The following USH2A variants were observed in gnomAD, a reference collection of about 807,000 sequenced individuals.
The protein encoded by USH2A is Usher syndrome 2A (autosomal recessive, mild).
USH2A carries 443 observed loss-of-function variants against 538.9 expected under a neutral mutation model. That is an observed-to-expected ratio of 0.82 (90% CI 0.76 to 0.89). The LOEUF (loss-of-function observed/expected upper bound fraction) is 0.89. Ranked by LOEUF, USH2A falls within the 40% of genes least tolerant of loss-of-function variation. The pLI, the probability that USH2A is intolerant of heterozygous loss-of-function variation, is 0.00. For missense variants in USH2A, 6,633 were observed against 6,324.8 expected, an observed-to-expected ratio of 1.05 and a Z score of -1.65; for synonymous variants, 2,413 against 2,273.5, an observed-to-expected ratio of 1.06 and a Z score of -1.75.
Position 215,965,303 on chromosome 1 carries a change from TA to T in USH2A, c.7120+13del, listed in dbSNP as rs756580918. ...CTAATGTTATTTAAAGTTTAGAAAA[TA>T]AAAACAAATTACCTGGGTCTACATA... On this transcript the variant is annotated intron_variant, in intron 37 of 71. Transcript: ENST00000307340. 9 of 1,609,786 alleles carry T rather than the reference TA, an allele frequency of 5.6e-6. No homozygotes were observed. The Admixed American group carries it at 1.2e-4, about 21-fold the overall frequency.
At chr1:216,265,920 G>C (rs913648579) in intron 11 of USH2A, among the ~76,000 whole-genome samples, 1 of 152,118 alleles carries the variant, frequency 6.6e-6, no homozygotes, top group Admixed American at 6.6e-5. Flanking sequence ...AAGGGGATAG[G>C]GAGAGGCTGG....
At chr1:216,252,904 G>A (rs1571624998) in intron 11 of USH2A, among the ~76,000 whole-genome samples, 2 of 152,140 alleles carry the variant, frequency 1.3e-5, no homozygotes, top group Admixed American at 1.3e-4. Context: ...GTACATACTT[G>A]TAACACTTCA....
chr1:215,706,490 T>TC, intron 61 of USH2A, among the ~76,000 whole-genome samples: 1 of 152,116 alleles, frequency 6.6e-6, no homozygotes, highest in African/African-American at 2.4e-5. Context: ...ATATGATGAC[T>TC]GTTGAGGCTA....
chr1:216,072,397 A>G (rs1331674903), intron 29 of USH2A: 2 of 197,504 alleles, frequency 1.0e-5, no homozygotes, highest in Non-Finnish European at 2.1e-5. Context: ...GAGTCATTCT[A>G]AGATTCTAAT....
intron 61 of USH2A, among the ~76,000 whole-genome samples, chr1:215,709,251 T>G (rs1659267801): frequency 1.3e-5 from 2 of 152,208 alleles, no homozygotes; most frequent in African/African-American, 4.8e-5. Flanking sequence ...AATATTTTCT[T>G]GATAATTTTA....
chr1:215,774,155 A>T (rs1172447526), intron 55 of USH2A, among the ~76,000 whole-genome samples: 1 of 152,162 alleles, frequency 6.6e-6, no homozygotes. Flanking sequence ...TCAAAACATC[A>T]AAACAAAGGG....
At position 216,250,856 on chromosome 1, in the gene USH2A, C is replaced by G. The variant is rs376731181; in HGVS notation, c.2167+47G>C. 3.5e-5 allele frequency: 56 copies of G among 1,589,668 alleles called. No individual in the cohort carries two copies. In the Middle Eastern group the frequency reaches 9.9e-4, roughly 28 times the overall value. ...AAGAAATCAAATAGAGAATTTTATT[C>G]CAGATGGTAATAGAGATGTGACTGT... On this transcript the variant is annotated intron_variant, in intron 12 of 71. Coordinates refer to ENST00000307340, the MANE Select transcript of USH2A (RefSeq NM_206933.4).
intron 64 of USH2A, among the ~76,000 whole-genome samples, chr1:215,664,490 G>A (rs966113758): frequency 1.3e-5 from 2 of 152,116 alleles, no homozygotes; most frequent in Non-Finnish European, 2.9e-5. Flanking sequence ...AATTTATTTT[G>A]TAGGGTTTTA....
At chr1:216,283,125 C>T (rs890482628) in intron 11 of USH2A, among the ~76,000 whole-genome samples, 2 of 152,038 alleles carry the variant, frequency 1.3e-5, no homozygotes, top group Non-Finnish European at 2.9e-5. Context: ...CTCGTTCTGT[C>T]GCCCAGGCTG....
At chr1:216,184,611 A>G (rs1042200755) in intron 20 of USH2A, among the ~76,000 whole-genome samples, 3 of 151,956 alleles carry the variant, frequency 2.0e-5, no homozygotes, top group Non-Finnish European at 4.4e-5. Context: ...AAAACAGGCA[A>G]CCTCAGAGAA....
intron 5 of USH2A, 139 bp from the exon 6 acceptor site, chr1:216,325,738 A>G (rs2037720321): frequency 1.2e-6 from 1 of 828,042 alleles, no homozygotes; most frequent in African/African-American, 1.7e-5. Flanking sequence ...TGCATGAAAC[A>G]TAAAATAAAA....
intron 16 of USH2A, among the ~76,000 whole-genome samples, chr1:216,205,941 C>G (rs1483215388): frequency 1.3e-5 from 2 of 152,138 alleles, no homozygotes; most frequent in Non-Finnish European, 2.9e-5. Context: ...TTTCTATAAG[C>G]TCCTTTAAAA....
chr1:215,900,633 T>G (rs1382422361), intron 39 of USH2A, 122 bp downstream of exon 39: 4 of 1,282,614 alleles, frequency 3.1e-6, no homozygotes, highest in East Asian at 2.4e-5. Context: ...TTGTTTGGGG[T>G]TTTTTTGTAC....
intron 68 of USH2A, among the ~76,000 whole-genome samples, chr1:215,639,668 A>C (rs116493204): frequency 6.6e-6 from 1 of 152,198 alleles, no homozygotes; most frequent in Non-Finnish European, 1.5e-5. Context: ...TCCAATGGCC[A>C]GGAACCTGAG....
intron 52 of USH2A, 49 bp from the exon 53 acceptor site, chr1:215,782,984 TA>T (rs746180362): frequency 5.8e-6 from 9 of 1,548,610 alleles, no homozygotes; most frequent in Non-Finnish European, 7.9e-6. Flanking sequence ...TTTCATTTTT[TA>T]ACCATCATAT....
chr1:215,926,804 C>T (rs776094945), intron 38 of USH2A, among the ~76,000 whole-genome samples: 29 of 151,882 alleles, frequency 1.9e-4, no homozygotes, highest in Non-Finnish European at 3.1e-4. Context: ...GATGGGGTTT[C>T]TCTATGTTGG....
intron 64 of USH2A, among the ~76,000 whole-genome samples, chr1:215,658,878 T>C (rs1194403055): frequency 6.6e-6 from 1 of 152,244 alleles, no homozygotes; most frequent in East Asian, 1.9e-4. Flanking sequence ...ATATATACTT[T>C]ATCCACAATA....
chr1:215,866,211 A>G (rs1180423461), intron 44 of USH2A, among the ~76,000 whole-genome samples: 1 of 152,162 alleles, frequency 6.6e-6, no homozygotes, highest in Non-Finnish European at 1.5e-5. Context: ...CTCATGGTAG[A>G]TTCAGGGTTT....
At position 216,190,306 on chromosome 1, in the gene USH2A, C is replaced by T. The variant is rs876657627; in HGVS notation, c.4313G>A (p.Arg1438Lys). The T allele has an allele frequency of 6.8e-6, 11 of 1,612,262 alleles. No homozygotes were observed. Among genetic ancestry groups the T allele is most frequent in the East Asian group, 2.2e-5 (1 of 44,774 alleles). The change falls in exon 20 of 72, where the codon AGG (arginine) becomes AAG (lysine). Residue 1438 changes from arginine to lysine, a missense_variant. By Grantham distance (26) the Arg-to-Lys change is conservative. Transcript: ENST00000307340. Reference sequence around the variant, plus strand: ...GAGAGTAATAGTAAACTCATATATCCTATAAGGTTTCAGTCCTTCTACAGT... The same window carrying T: ...GAGAGTAATAGTAAACTCATATATCTTATAAGGTTTCAGTCCTTCTACAGT... ...SYTVEGLKPYRIYEFTITLCN... is the reference protein window; with the variant it reads ...SYTVEGLKPYKIYEFTITLCN...
Sources: allele counts gnomAD v4.1 joint callset (sites outside exome capture counted in the v4.1 genomes callset), GRCh38; gene constraint gnomAD v4.1.1; transcripts MANE v1.5; gene names NCBI Gene and HGNC (gene_info 2026-07-23, HGNC 2026-07-21).